The following SESN1 variants were observed in gnomAD, a reference collection of about 807,000 sequenced individuals.
SESN1 encodes sestrin 1.
In SESN1, 30 loss-of-function variants were observed where a neutral mutation model predicts 59.3. The ratio of observed to expected loss-of-function variants is 0.51; its 90% CI spans 0.38 to 0.69. The LOEUF (loss-of-function observed/expected upper bound fraction) is 0.69. Among genes scored for constraint, SESN1 ranks in the 30% least tolerant of loss-of-function variants. SESN1 has a pLI of 0.00. For missense variants in SESN1, 566 were observed against 673.0 expected (o/e 0.84, Z 1.76); for synonymous variants, 197 against 219.9 (o/e 0.90, Z 0.92).
At chr6:109,021,911 G>C (rs928281956) in intron 1 of SESN1, among the ~76,000 whole-genome samples, 1 of 152,128 alleles carries the variant, frequency 6.6e-6, no homozygotes, top group Non-Finnish European at 1.5e-5. Flanking sequence ...AAATATTACT[G>C]AAAGTTTCAT....
intron 1 of SESN1, among the ~76,000 whole-genome samples, chr6:109,088,980 T>C (rs1010504890): frequency 6.6e-6 from 1 of 152,282 alleles, no homozygotes; most frequent in East Asian, 1.9e-4. Flanking sequence ...AAAATGTGAA[T>C]ATATTTAAAC....
chr6:108,984,632 T>C lies in SESN1; in HGVS notation c.*2912A>G, dbSNP rs1195767577. Among the ~76,000 whole-genome samples, 2 of 152,214 alleles carry C rather than the reference T, an allele frequency of 1.3e-5. No individual in the cohort carries two copies. The highest frequency in any genetic ancestry group is 1.3e-4 in the Admixed American group (2 of 15,280). The stretch of plus-strand genomic sequence containing the variant: ...AACATTCAGCCATCACATATCCCCT[T>C]GGTTAGGTTTATTCCTAAGTATTTT... On this transcript the variant is annotated 3_prime_UTR_variant, in exon 10 of 10. Coordinates refer to ENST00000436639, the MANE Select transcript of SESN1 (RefSeq NM_014454.3).
At chr6:109,048,981 T>C (rs1212217273) in intron 1 of SESN1, among the ~76,000 whole-genome samples, 1 of 152,188 alleles carries the variant, frequency 6.6e-6, no homozygotes, top group Non-Finnish European at 1.5e-5. Flanking sequence ...CTCTAGGACT[T>C]AGTGTCTTTG....
rs188321369 is a variant in SESN1, at chr6:109,063,073, T to C, written c.279+30722A>G. On this transcript the variant is annotated intron_variant, in intron 1 of 9. Transcript: ENST00000436639. ...GAAAGTATACCAAACGAATGGGTTA[T>C]AGAGCCTTCCTGCAGAGAGAAACAG... is the stretch of plus-strand genomic sequence containing the variant. Among the ~76,000 whole-genome samples, 162 of 152,290 alleles carry C rather than the reference T, an allele frequency of 1.1e-3. 1 individual carries two copies. Among genetic ancestry groups the C allele is most frequent in the African/African-American group, 3.4e-3 (142 of 41,556 alleles).
intron 1 of SESN1, among the ~76,000 whole-genome samples, chr6:109,066,651 A>G (rs1000007652): frequency 4.0e-5 from 6 of 151,858 alleles, no homozygotes; most frequent in Non-Finnish European, 7.3e-5. Context: ...ACGAAGTAGA[A>G]AAAAGAGGCT....
At chr6:109,051,254 G>C (rs1321241954) in intron 1 of SESN1, among the ~76,000 whole-genome samples, 2 of 151,992 alleles carry the variant, frequency 1.3e-5, no homozygotes, top group Admixed American at 6.5e-5. Flanking sequence ...AAAACAGCAG[G>C]GTGCAATGAA....
chr6:109,092,204 A>G (rs1188604634), intron 1 of SESN1, among the ~76,000 whole-genome samples: 2 of 152,210 alleles, frequency 1.3e-5, no homozygotes, highest in East Asian at 1.9e-4. Flanking sequence ...TATATATACC[A>G]GAGTACTTTA....
chr6:109,055,286 T>C (rs1384186145), intron 1 of SESN1, among the ~76,000 whole-genome samples: 1 of 152,214 alleles, frequency 6.6e-6, no homozygotes, highest in African/African-American at 2.4e-5. Context: ...CCCTAGTTTT[T>C]CAGACTCTAC....
intron 1 of SESN1, among the ~76,000 whole-genome samples, chr6:109,020,344 T>A (rs1241969226): frequency 6.6e-6 from 1 of 152,236 alleles, no homozygotes; most frequent in African/African-American, 2.4e-5. Flanking sequence ...ATCTTTATTA[T>A]GCCAGATACT....
chr6:109,003,699 G>A (rs777948003), intron 1 of SESN1, among the ~76,000 whole-genome samples: 12 of 152,112 alleles, frequency 7.9e-5, no homozygotes, highest in East Asian at 1.9e-4. Context: ...GTCTGGCCAC[G>A]TGTGTGTCTC....
At chr6:109,088,609 T>C (rs1781258287) in intron 1 of SESN1, among the ~76,000 whole-genome samples, 1 of 152,210 alleles carries the variant, frequency 6.6e-6, no homozygotes, top group Non-Finnish European at 1.5e-5. Context: ...TATTGATTGC[T>C]GGCAAACTTA....
chr6:108,993,557 G>T (rs750996010), intron 6 of SESN1, among the ~76,000 whole-genome samples: 1 of 152,016 alleles, frequency 6.6e-6, no homozygotes, highest in African/African-American at 2.4e-5. Context: ...TAAGAAACTC[G>T]GTGCTCTTTC....
At chr6:109,078,596 C>T (rs1339110513) in intron 1 of SESN1, among the ~76,000 whole-genome samples, 1 of 152,146 alleles carries the variant, frequency 6.6e-6, no homozygotes, top group Non-Finnish European at 1.5e-5. Context: ...CCAACAGCTG[C>T]ACTGTTGTCA....
At chr6:109,025,773 A>G (rs1213332209) in intron 1 of SESN1, among the ~76,000 whole-genome samples, 1 of 152,112 alleles carries the variant, frequency 6.6e-6, no homozygotes, top group Non-Finnish European at 1.5e-5. Flanking sequence ...TCCAGAATAT[A>G]GCACATACAG....
intron 1 of SESN1, among the ~76,000 whole-genome samples, chr6:109,003,197 T>C (rs1171463395): frequency 6.6e-6 from 1 of 151,912 alleles, no homozygotes; most frequent in Non-Finnish European, 1.5e-5. Flanking sequence ...CTATGTCCTA[T>C]CTAGTGTCAT....
At chr6:108,994,004 G>C (rs1397622013) in intron 6 of SESN1, among the ~76,000 whole-genome samples, 1 of 151,910 alleles carries the variant, frequency 6.6e-6, no homozygotes, top group Non-Finnish European at 1.5e-5. Flanking sequence ...AGCAGGCATG[G>C]TGGCATGTGT....
intron 6 of SESN1, 140 bp downstream of exon 6, chr6:108,994,322 T>G (rs1328662774): frequency 1.7e-6 from 1 of 576,918 alleles, no homozygotes; most frequent in East Asian, 3.4e-5. Flanking sequence ...TAAAAATTAT[T>G]TGTAAATAGG....
intron 1 of SESN1, among the ~76,000 whole-genome samples, chr6:109,048,776 C>T (rs1468896748): frequency 6.6e-6 from 1 of 152,154 alleles, no homozygotes; most frequent in Non-Finnish European, 1.5e-5. Context: ...CCTCCCATTC[C>T]CCTGATTCTA....
intron 1 of SESN1, among the ~76,000 whole-genome samples, chr6:109,029,639 G>C (rs929023826): frequency 4.6e-5 from 7 of 152,052 alleles, no homozygotes; most frequent in African/African-American, 1.4e-4. Flanking sequence ...GGGCTCAAGC[G>C]ATCCTCCTGT....
Sources: allele counts gnomAD v4.1 joint callset (sites outside exome capture counted in the v4.1 genomes callset), GRCh38; gene constraint gnomAD v4.1.1; transcripts MANE v1.5; gene names NCBI Gene and HGNC (gene_info 2026-07-23, HGNC 2026-07-21).